ALPL: variants seen among roughly 807,000 people sequenced by gnomAD.
ALPL encodes alkaline phosphatase, tissue-nonspecific isozyme.
In ALPL, 42 loss-of-function variants were observed where a neutral mutation model predicts 51.3. The ratio of observed to expected loss-of-function variants is 0.82; its 90% CI spans 0.64 to 1.06. The LOEUF (loss-of-function observed/expected upper bound fraction) is 1.06, where lower values mean the gene tolerates loss of function less well. Among genes scored for constraint, ALPL ranks in the 50% least tolerant of loss-of-function variants. The pLI, the probability that ALPL is intolerant of heterozygous loss-of-function variation, is 0.00. For synonymous variants in ALPL, 279 were observed against 296.4 expected (o/e 0.94, Z 0.60); for missense variants, 589 against 709.4 (o/e 0.83, Z 1.93).
intron 1 of ALPL, among the ~76,000 whole-genome samples, chr1:21,537,436 C>T (rs1418033159): frequency 6.6e-6 from 1 of 152,176 alleles, no homozygotes; most frequent in African/African-American, 2.4e-5. Context: ...TGTCTAGATA[C>T]AAGAGGCCCC....
chr1:21,566,670 G>A (rs1214222371), intron 6 of ALPL, among the ~76,000 whole-genome samples: 1 of 152,088 alleles, frequency 6.6e-6, no homozygotes, highest in Non-Finnish European at 1.5e-5. Context: ...GCTCACTTCA[G>A]TCTCAGCCTC....
At chr1:21,554,816 TC>T (rs1644384076) in intron 2 of ALPL, among the ~76,000 whole-genome samples, 1 of 24,542 alleles carries the variant, frequency 4.1e-5, no homozygotes, top group Non-Finnish European at 8.3e-5. Context: ...TGTCTGTCTG[TC>T]TTTCTTTCTT....
intron 1 of ALPL, among the ~76,000 whole-genome samples, chr1:21,522,058 C>T: frequency 6.6e-6 from 1 of 151,262 alleles, no homozygotes. Flanking sequence ...GAGGAGTAAC[C>T]AATACATATG....
chr1:21,512,816 G>T (rs1643717630), intron 1 of ALPL, among the ~76,000 whole-genome samples: 1 of 152,134 alleles, frequency 6.6e-6, no homozygotes, highest in South Asian at 2.1e-4. Flanking sequence ...CCTCACTGTG[G>T]CATGAAATCA....
chr1:21,549,199 C>T (rs373916228), intron 1 of ALPL, among the ~76,000 whole-genome samples: 27 of 150,408 alleles, frequency 1.8e-4, no homozygotes, highest in Admixed American at 1.7e-3. Context: ...TCTGTCACAT[C>T]GTTTTCTGTG....
At chr1:21,573,436 CAAA>C (rs35155164) in intron 8 of ALPL, among the ~76,000 whole-genome samples, 3 of 114,022 alleles carry the variant, frequency 2.6e-5, no homozygotes, top group South Asian at 5.9e-4. Flanking sequence ...GACTCTGTCT[CAAA>C]AAAAAAAAAG....
intron 1 of ALPL, among the ~76,000 whole-genome samples, chr1:21,541,762 A>G (rs1260431552): frequency 2.6e-5 from 4 of 152,188 alleles, no homozygotes; most frequent in Admixed American, 2.6e-4. Flanking sequence ...AGCATGGGAC[A>G]TTCTAGTCTG....
chr1:21,557,023 C>T (rs1217482567), intron 2 of ALPL, among the ~76,000 whole-genome samples: 1 of 152,208 alleles, frequency 6.6e-6, no homozygotes, highest in African/African-American at 2.4e-5. Context: ...CTCCTGTGGG[C>T]CCCTCTGGTT....
chr1:21,567,721 G>T (rs3767150), intron 6 of ALPL, among the ~76,000 whole-genome samples: 1 of 152,086 alleles, frequency 6.6e-6, no homozygotes, highest in African/African-American at 2.4e-5. Context: ...AAAACAGGTG[G>T]CCAGGGTTTA....
At chr1:21,571,565 A>T (rs1481865243) in intron 8 of ALPL, among the ~76,000 whole-genome samples, 1 of 152,130 alleles carries the variant, frequency 6.6e-6, no homozygotes, top group African/African-American at 2.4e-5. Context: ...CCAGCTACTC[A>T]GGAGGCTGAG....
At chr1:21,570,407 G>T in intron 8 of ALPL, 33 bp downstream of exon 8, 1 of 1,608,784 alleles carries the variant, frequency 6.2e-7, no homozygotes, top group Non-Finnish European at 8.5e-7. Context: ...AGGATGCATG[G>T]CTCGGAGCCT....
rs1234713943 is a variant in ALPL, at chr1:21,517,049, A to G, written c.-105+7532A>G. Among the ~76,000 whole-genome samples the G allele has an allele frequency of 2.0e-5, 3 of 152,358 alleles. No homozygotes were observed. In the East Asian group the frequency reaches 5.8e-4, roughly 29 times the overall value. ...AATCATCTAACACGAGGCCTATTTC[A>G]TAATAAAGTGTTGACTATCTCATGT... On this transcript the variant is annotated intron_variant, in intron 1 of 11. Transcript: ENST00000374840.
intron 1 of ALPL, among the ~76,000 whole-genome samples, chr1:21,551,765 G>C (rs1210027238): frequency 8.4e-6 from 1 of 119,086 alleles, no homozygotes; most frequent in Non-Finnish European, 1.6e-5. Context: ...TCTCGCTGTC[G>C]CCCAGGCTGG....
At chr1:21,521,944 G>A (rs943533651) in intron 1 of ALPL, among the ~76,000 whole-genome samples, 1 of 152,106 alleles carries the variant, frequency 6.6e-6, no homozygotes, top group African/African-American at 2.4e-5. Flanking sequence ...ATGAATACTC[G>A]CAGCGAGTTA....
rs372370008 is a variant in ALPL, at chr1:21,553,020, A to T, written c.-104-958A>T. 3.9e-5 allele frequency among the ~76,000 whole-genome samples: 6 copies of T among 152,232 alleles called. No individual in the cohort carries two copies. The East Asian group carries it at 5.8e-4, about 15-fold the overall frequency. On this transcript the variant is annotated intron_variant, in intron 1 of 11. Transcript: ENST00000374840. ...AACAGGAAGACCACAGTGTAAAAAC[A>T]TTCTTATGCCATTAATACATGCTTG...
intron 1 of ALPL, among the ~76,000 whole-genome samples, chr1:21,517,938 A>G (rs1044192889): frequency 6.6e-6 from 1 of 151,946 alleles, no homozygotes; most frequent in East Asian, 1.9e-4. Context: ...GTTGGCACAC[A>G]AGATAAAAGG....
chr1:21,542,664 A>ATCAGCCTGGCC (rs1463869410), intron 1 of ALPL, among the ~76,000 whole-genome samples: 1 of 152,216 alleles, frequency 6.6e-6, no homozygotes, highest in African/African-American at 2.4e-5. Flanking sequence ...CAACATGGTG[A>ATCAGCCTGGCC]AACCCTGTCT....
intron 1 of ALPL, among the ~76,000 whole-genome samples, chr1:21,513,682 G>A (rs1487383953): frequency 1.3e-5 from 2 of 152,192 alleles, no homozygotes; most frequent in Non-Finnish European, 2.9e-5. Context: ...TAAGGCTGCA[G>A]GGGGTGGGGG....
At chr1:21,572,332 G>T (rs1283098883) in intron 8 of ALPL, among the ~76,000 whole-genome samples, 1 of 152,150 alleles carries the variant, frequency 6.6e-6, no homozygotes, top group East Asian at 1.9e-4. Flanking sequence ...GGTCTTGGCT[G>T]TTGGCAGGAG....
Sources: gnomAD v4.1 joint callset for allele counts (sites outside exome capture counted in the v4.1 genomes callset) on GRCh38, gnomAD v4.1.1 for gene constraint, MANE v1.5 for transcripts, NCBI Gene and HGNC (gene_info 2026-07-23, HGNC 2026-07-21) for gene names.